Variants in PRPSAP2 observed in about 807,000 individuals in gnomAD.
The protein encoded by PRPSAP2 is phosphoribosyl pyrophosphate synthase-associated protein 2.
PRPSAP2 carries 24 observed loss-of-function variants against 40.6 expected under a neutral mutation model. That is an observed-to-expected ratio of 0.59 (90% CI 0.43 to 0.83). The LOEUF (loss-of-function observed/expected upper bound fraction) is 0.83, where lower values mean the gene tolerates loss of function less well. Ranked by LOEUF, PRPSAP2 falls within the 40% of genes least tolerant of loss-of-function variation. The pLI, the probability that PRPSAP2 is intolerant of heterozygous loss-of-function variation, is 0.00. For synonymous variants in PRPSAP2, 149 were observed against 164.7 expected, an observed-to-expected ratio of 0.90 and a Z score of 0.73; for missense variants, 292 against 465.6, an observed-to-expected ratio of 0.63 and a Z score of 3.43.
At chr17:18,906,068 A>G (rs1479813919) in intron 8 of PRPSAP2, among the ~76,000 whole-genome samples, 2 of 152,164 alleles carry the variant, frequency 1.3e-5, no homozygotes, top group South Asian at 4.1e-4. Flanking sequence ...AGATAAATAT[A>G]TTTTACTGAC....
chr17:18,876,954 G>T (rs1280627233), intron 5 of PRPSAP2, among the ~76,000 whole-genome samples: 1 of 152,170 alleles, frequency 6.6e-6, no homozygotes, highest in Non-Finnish European at 1.5e-5. Flanking sequence ...TTGTAAATTT[G>T]AGAGTTGCCA....
chr17:18,911,285 C>A lies in PRPSAP2; in HGVS notation c.733+34C>A. On this transcript the variant is annotated intron_variant, in intron 9 of 11. Transcript: ENST00000268835. This position sits in a 1 kb window ranked among gnomAD's most constrained non-coding sequence, Gnocchi z 4.5. ...GCTGCTGCCTCTTTCCCACTTTCCT[C>A]TGATTTTAAGGCTGACTACACTGTT... is the stretch of plus-strand genomic sequence containing the variant. 6.3e-7 allele frequency: 1 copy of A among 1,577,120 alleles called. No individual in the cohort carries two copies. The highest frequency in any genetic ancestry group is 8.6e-7 in the Non-Finnish European group (1 of 1,156,488).
rs1053691523 is a variant in PRPSAP2, at chr17:18,911,579, G to A, written c.733+328G>A. ...AAGCAAAAAGCTTTTTATATACAAAGTTATTGACTGTGATGTTGTTTTTAA... is the reference window on the plus strand; with the variant it reads ...AAGCAAAAAGCTTTTTATATACAAAATTATTGACTGTGATGTTGTTTTTAA... On this transcript the variant is annotated intron_variant, in intron 9 of 11. Transcript: ENST00000268835. The surrounding 1 kb of genome is among the most constrained non-coding windows in gnomAD (Gnocchi z 4.5). Among the ~76,000 whole-genome samples, 36 of 137,488 alleles carry A rather than the reference G, an allele frequency of 2.6e-4. No homozygotes were observed. Among genetic ancestry groups the A allele is most frequent in the African/African-American group, 8.8e-4 (34 of 38,616 alleles). 90.2% of individuals were successfully genotyped at this position (137,488 alleles called of 152,430 possible).
chr17:18,928,725 T>C (rs748625282), intron 10 of PRPSAP2, 86 bp from the exon 11 acceptor site: 7 of 1,565,238 alleles, frequency 4.5e-6, no homozygotes, highest in Non-Finnish European at 5.2e-6. Flanking sequence ...ACGGTAAATG[T>C]AGGCAGACCC....
At chr17:18,882,825 C>T (rs1257349595) in intron 7 of PRPSAP2, 142 bp downstream of exon 7, 12 of 591,144 alleles carry the variant, frequency 2.0e-5, no homozygotes, top group South Asian at 1.3e-4. Context: ...TATAATCCAA[C>T]GCATTTTAGA....
chr17:18,865,779 T>A, intron 2 of PRPSAP2, 23 bp from the exon 3 acceptor site: 1 of 1,322,326 alleles, frequency 7.6e-7, no homozygotes, highest in East Asian at 2.8e-5. Flanking sequence ...TGGCAGTTTT[T>A]AATAAGTATT....
rs750128219 is a variant in PRPSAP2 at position 18,872,646 on chromosome 17, C to T, written c.236C>T (p.Ser79Leu). Residue 79 changes from serine (S) to leucine (L), a missense_variant, in exon 5 of 12, where the codon TCG becomes TTG. This residue lies in a region of PRPSAP2 where 241 missense variants were observed against 425.7 expected (regional missense o/e 0.57). Coordinates refer to ENST00000268835, the MANE Select transcript of PRPSAP2 (RefSeq NM_002767.4). Reference protein sequence around the residue: ...GKDVFIIQTVSKDVNTTIMEL... With the variant: ...GKDVFIIQTVLKDVNTTIMEL... ...GATGTTTTCATCATCCAAACTGTTTCGAAGTGAGTATCCAGCAAAAGTGTT... is the reference window on the plus strand; with the variant it reads ...GATGTTTTCATCATCCAAACTGTTTTGAAGTGAGTATCCAGCAAAAGTGTT... 1.3e-6 allele frequency: 2 copies of T among 1,587,718 alleles called. No individual in the cohort carries two copies. Among genetic ancestry groups the T allele is most frequent in the Admixed American group, 1.7e-5 (1 of 59,828 alleles).
chr17:18,898,763 G>A (rs1246451726), intron 8 of PRPSAP2, among the ~76,000 whole-genome samples: 1 of 152,140 alleles, frequency 6.6e-6, no homozygotes, highest in Non-Finnish European at 1.5e-5. Flanking sequence ...TGGACTTCTT[G>A]AAGCTGTGGG....
intron 8 of PRPSAP2, among the ~76,000 whole-genome samples, chr17:18,898,784 T>C (rs2040077300): frequency 1.3e-5 from 2 of 152,250 alleles, no homozygotes; most frequent in African/African-American, 4.8e-5. Flanking sequence ...TTTATGTCTC[T>C]GACCAATTTG....
rs141938621 is a variant in PRPSAP2 at position 18,902,234 on chromosome 17, C to A, written c.585-8869C>A. On this transcript the variant is annotated intron_variant, in intron 8 of 11. Coordinates refer to ENST00000268835, the MANE Select transcript of PRPSAP2 (RefSeq NM_002767.4). ...GTTCACAGAGGGATGGATGTAGTAGCCTTTTGCTCAGTTTCTTTGGCTTTT... is the reference window on the plus strand; with the variant it reads ...GTTCACAGAGGGATGGATGTAGTAGACTTTTGCTCAGTTTCTTTGGCTTTT... Among the ~76,000 whole-genome samples, 827 of 152,258 alleles carry A rather than the reference C, an allele frequency of 5.4e-3. 13 individuals carry two copies. The highest frequency in any genetic ancestry group is 0.019 in the African/African-American group (803 of 41,550).
At chr17:18,882,006 A>T (rs919807720) in intron 6 of PRPSAP2, among the ~76,000 whole-genome samples, 3 of 150,912 alleles carry the variant, frequency 2.0e-5, no homozygotes, top group African/African-American at 7.3e-5. Context: ...ACGCCCAGCT[A>T]ATTTTTGTAT....
chr17:18,868,723 A>ATTT (rs34924536), intron 4 of PRPSAP2, among the ~76,000 whole-genome samples: 1,614 of 144,462 alleles, frequency 0.011, 23 homozygotes, highest in Non-Finnish European at 0.017. Context: ...TTAAAAAAAC[A>ATTT]TTTTTTTTTT....
At chr17:18,895,806 A>G (rs919439798) in intron 8 of PRPSAP2, among the ~76,000 whole-genome samples, 1 of 151,842 alleles carries the variant, frequency 6.6e-6, no homozygotes, top group African/African-American at 2.4e-5. Flanking sequence ...TTGTATTTTT[A>G]GTAGAGACGG....
chr17:18,890,239 G>A (rs2039458401), intron 8 of PRPSAP2, among the ~76,000 whole-genome samples: 1 of 151,556 alleles, frequency 6.6e-6, no homozygotes, highest in African/African-American at 2.4e-5. Flanking sequence ...GCGCGATCTC[G>A]GCTCACCACA....
At chr17:18,904,822 T>A (rs952502352) in intron 8 of PRPSAP2, 1 of 152,208 alleles carries the variant, frequency 6.6e-6, no homozygotes, top group Admixed American at 6.5e-5. Context: ...TCACCCATGA[T>A]GTAAATTAAC....
chr17:18,889,702 A>G (rs2039413902), intron 7 of PRPSAP2, 120 bp from the exon 8 acceptor site: 2 of 686,480 alleles, frequency 2.9e-6, no homozygotes, highest in Middle Eastern at 5.8e-4. Context: ...TCCAAAGGAG[A>G]ATTTTACTTT....
chr17:18,873,022 A>G (rs1325577113), intron 5 of PRPSAP2, among the ~76,000 whole-genome samples: 1 of 151,610 alleles, frequency 6.6e-6, no homozygotes, highest in Non-Finnish European at 1.5e-5. Flanking sequence ...TTGTATTTTT[A>G]GTAGAGACGG....
chr17:18,894,584 A>G (rs904629055), intron 8 of PRPSAP2, among the ~76,000 whole-genome samples: 1 of 150,054 alleles, frequency 6.7e-6, no homozygotes, highest in African/African-American at 2.5e-5. Context: ...GGTTTAAGCA[A>G]TTCTCTGCCT....
intron 8 of PRPSAP2, chr17:18,908,336 C>T (rs2040733208): frequency 1.3e-6 from 1 of 776,204 alleles, no homozygotes; most frequent in Non-Finnish European, 2.4e-6. Flanking sequence ...TGAGTCCAAC[C>T]ATGACCCTCA....
Sources: allele counts gnomAD v4.1 joint callset (sites outside exome capture counted in the v4.1 genomes callset), GRCh38; gene constraint gnomAD v4.1.1; regional missense constraint gnomAD v4.1.1; non-coding constraint Gnocchi (gnomAD v3.1); transcripts MANE v1.5; gene names NCBI Gene and HGNC (gene_info 2026-07-23, HGNC 2026-07-21).